Variants in SPTLC3 observed in about 807,000 individuals in gnomAD.
SPTLC3 encodes the protein serine palmitoyltransferase 3.
Under a neutral mutation model 59.3 loss-of-function variants are expected in SPTLC3, and 36 were observed. The observed-to-expected ratio is 0.61, with a 90% confidence interval of 0.47 to 0.80. The LOEUF (loss-of-function observed/expected upper bound fraction) is 0.80, where lower values mean the gene tolerates loss of function less well. SPTLC3 is among the 30% of genes least tolerant of loss of function. The pLI, the probability that SPTLC3 is intolerant of heterozygous loss-of-function variation, is 0.00. For synonymous variants in SPTLC3, 257 were observed against 240.8 expected (o/e 1.07, Z -0.62); for missense variants, 625 against 685.1 (o/e 0.91, Z 0.98).
chr20:13,086,731 G>A (rs951179619), intron 4 of SPTLC3, among the ~76,000 whole-genome samples: 3 of 151,966 alleles, frequency 2.0e-5, no homozygotes, highest in Admixed American at 6.6e-5. Context: ...GACCTCAGAT[G>A]GACACCTACA....
chr20:13,038,486 C>G (rs899755648), intron 1 of SPTLC3, among the ~76,000 whole-genome samples: 2 of 152,046 alleles, frequency 1.3e-5, no homozygotes, highest in African/African-American at 4.8e-5. Context: ...TCATCGCATT[C>G]CCTTATAATC....
intron 7 of SPTLC3, among the ~76,000 whole-genome samples, chr20:13,114,693 T>C (rs554074464): frequency 4.6e-5 from 7 of 152,224 alleles, no homozygotes; most frequent in Non-Finnish European, 7.3e-5. Flanking sequence ...AGAAAACATT[T>C]GTTACTTTAC....
intron 1 of SPTLC3, among the ~76,000 whole-genome samples, chr20:13,018,565 G>A (rs1985677006): frequency 6.6e-6 from 1 of 152,146 alleles, no homozygotes; most frequent in South Asian, 2.1e-4. Context: ...TTATTACATT[G>A]TCTATGAAGA....
intron 3 of SPTLC3, chr20:13,073,913 A>G (rs1192195316): frequency 1.8e-6 from 1 of 563,630 alleles, no homozygotes; most frequent in Middle Eastern, 3.6e-4. Context: ...CCAGAGATGC[A>G]TTCTTCATCC....
intron 9 of SPTLC3, among the ~76,000 whole-genome samples, chr20:13,141,855 CA>C (rs921417901): frequency 1.3e-5 from 2 of 152,096 alleles, no homozygotes; most frequent in African/African-American, 4.8e-5. Flanking sequence ...TGCTGGGGGG[CA>C]AAAAAGTTCT....
At chr20:13,015,754 G>T (rs1398714000) in intron 1 of SPTLC3, among the ~76,000 whole-genome samples, 5 of 151,956 alleles carry the variant, frequency 3.3e-5, no homozygotes, top group Non-Finnish European at 7.4e-5. Flanking sequence ...CTCACCAAAA[G>T]AATTAGAATG....
At chr20:13,068,024 G>T (rs1184359684) in intron 2 of SPTLC3, among the ~76,000 whole-genome samples, 1 of 152,166 alleles carries the variant, frequency 6.6e-6, no homozygotes, top group African/African-American at 2.4e-5. Flanking sequence ...TTTGGAAAGA[G>T]CATGGTTTGG....
At chr20:13,153,842 C>G (rs945090479) in intron 9 of SPTLC3, among the ~76,000 whole-genome samples, 161 bp from the exon 10 acceptor site, 1 of 152,160 alleles carries the variant, frequency 6.6e-6, no homozygotes, top group Non-Finnish European at 1.5e-5. Flanking sequence ...GGCATCAGTG[C>G]CCACACCTGC....
At chr20:13,131,364 G>A (rs112706364) in intron 9 of SPTLC3, among the ~76,000 whole-genome samples, 1 of 152,070 alleles carries the variant, frequency 6.6e-6, no homozygotes, top group African/African-American at 2.4e-5. Flanking sequence ...CTCCATGAAT[G>A]GCAAGTCACT....
intron 11 of SPTLC3, chr20:13,164,436 G>T: frequency 4.1e-6 from 2 of 492,332 alleles, no homozygotes; most frequent in African/African-American, 2.0e-5. Context: ...CTACATATAA[G>T]TCACTACATT....
intron 9 of SPTLC3, among the ~76,000 whole-genome samples, chr20:13,140,936 C>G (rs1314818019): frequency 6.6e-6 from 1 of 152,110 alleles, no homozygotes; most frequent in African/African-American, 2.4e-5. Context: ...CTGACCCTGC[C>G]TCTAACCCAA....
In SPTLC3 at chr20:13,071,385, T is replaced by G. The variant is rs78766220; in HGVS notation, c.304-871T>G. ...ATTCCTACGCGTGATGTTAGCATCA[T>G]TCTTTAACAGTTGTTAGCCAAAAAT... is the stretch of plus-strand genomic sequence containing the variant. On this transcript the variant is annotated intron_variant, in intron 2 of 11. Coordinates refer to ENST00000399002, the MANE Select transcript of SPTLC3 (RefSeq NM_018327.4). Among the ~76,000 whole-genome samples, 758 of 152,334 alleles carry G rather than the reference T, an allele frequency of 5.0e-3. 5 individuals are homozygous for G. The highest frequency in any genetic ancestry group is 0.017 in the African/African-American group (718 of 41,578).
rs1256845209 is a variant in SPTLC3, at chr20:13,165,810, GA to G, written c.*945del. 7.9e-5 allele frequency: 12 copies of G among 152,168 alleles called. No individual in the cohort carries two copies. The highest frequency in any genetic ancestry group is 2.9e-4 in the African/African-American group (12 of 41,446). The allele number at this position is 152,168 out of a possible 1,614,324, so 9.4% of individuals were successfully genotyped here. On this transcript the variant is annotated 3_prime_UTR_variant, in exon 12 of 12. Coordinates refer to ENST00000399002, the MANE Select transcript of SPTLC3 (RefSeq NM_018327.4). ...ATATTTGAAGAATGCATTGATTCAA[GA>G]AGGACATTTAAAAGCAAATTCTGAC...
chr20:13,095,844 A>T (rs973152650), intron 6 of SPTLC3, among the ~76,000 whole-genome samples: 1 of 152,162 alleles, frequency 6.6e-6, no homozygotes, highest in Non-Finnish European at 1.5e-5. Flanking sequence ...CTTGATCGAA[A>T]GTTGGCAGAG....
chr20:13,095,046 G>A (rs764613077), intron 6 of SPTLC3, among the ~76,000 whole-genome samples: 4 of 152,178 alleles, frequency 2.6e-5, no homozygotes, highest in Non-Finnish European at 5.9e-5. Flanking sequence ...CTTTGGCAGT[G>A]TTGGGAATTC....
intron 8 of SPTLC3, among the ~76,000 whole-genome samples, chr20:13,126,188 C>T (rs1190547084): frequency 6.6e-6 from 1 of 152,172 alleles, no homozygotes; most frequent in African/African-American, 2.4e-5. Context: ...TTCTACCATG[C>T]TTGTTCATGG....
chr20:13,074,009 C>T, intron 3 of SPTLC3: 1 of 623,552 alleles, frequency 1.6e-6, no homozygotes, highest in Non-Finnish European at 3.1e-6. Flanking sequence ...GGAGATAGTC[C>T]TGTCTCCATC....
At position 13,046,278 on chromosome 20, in the gene SPTLC3, C is replaced by T. The variant is rs113344974; in HGVS notation, c.118-2667C>T. On this transcript the variant is annotated intron_variant, in intron 1 of 11. Transcript: ENST00000399002. ...TAGTAATTGACTCAGTCAGGGTCTT[C>T]CTTTTCTCCTACATTCCTCAGTGCT... is the stretch of plus-strand genomic sequence containing the variant. Among the ~76,000 whole-genome samples the T allele has an allele frequency of 1.5e-3, 223 of 152,278 alleles. 5 individuals carry two copies. Among genetic ancestry groups the T allele is most frequent in the African/African-American group, 4.6e-3 (191 of 41,570 alleles).
intron 9 of SPTLC3, among the ~76,000 whole-genome samples, chr20:13,145,539 C>T (rs933685461): frequency 6.6e-6 from 1 of 152,116 alleles, no homozygotes; most frequent in African/African-American, 2.4e-5. Context: ...GAAGAATCAA[C>T]ATCATTAAAA....
Sources: allele counts gnomAD v4.1 joint callset (sites outside exome capture counted in the v4.1 genomes callset), GRCh38; gene constraint gnomAD v4.1.1; transcripts MANE v1.5; gene names NCBI Gene and HGNC (gene_info 2026-07-23, HGNC 2026-07-21).